The following FKBP5 variants were observed in gnomAD, a reference collection of about 807,000 sequenced individuals.
FKBP5 encodes FKBP prolyl isomerase 5.
FKBP5 carries 23 observed loss-of-function variants against 50.5 expected under a neutral mutation model. The ratio of observed to expected loss-of-function variants is 0.46; its 90% confidence interval spans 0.33 to 0.65. The LOEUF is 0.65. Among genes scored for constraint, FKBP5 ranks in the 30% least tolerant of loss-of-function variants. FKBP5 has a pLI of 0.02. For missense variants in FKBP5, 411 were observed against 553.1 expected (o/e 0.74, Z 2.58); for synonymous variants, 176 against 190.6 (o/e 0.92, Z 0.63).
At chr6:35,698,764 G>A (rs950499181) in intron 2 of FKBP5, among the ~76,000 whole-genome samples, 6 of 152,156 alleles carry the variant, frequency 3.9e-5, no homozygotes, top group Non-Finnish European at 8.8e-5. Context: ...AGGCAAAAGG[G>A]GATCGAGGCC....
rs759350645 is a variant in FKBP5 at position 35,619,169 on chromosome 6, A to G, written c.435T>C (p.Asp145=). ...GTTTGGTTCTCCGGATAATGCCTCC[A>G]TCTTCAAATAAATCCTCTCCTTTGA... ...LDFKGEDLFE[D]GGIIRRTKRK... The change falls in exon 5 of 11, where the codon GAT becomes GAC. Residue 145 remains aspartate (D), a synonymous_variant. Coordinates refer to ENST00000357266, the MANE Select transcript of FKBP5 (RefSeq NM_004117.4). 3.5e-5 allele frequency: 56 copies of G among 1,613,820 alleles called. No homozygotes were observed. The East Asian group carries it at 1.2e-3, about 34-fold the overall frequency.
At chr6:35,619,325 T>C (rs186687147) in intron 4 of FKBP5, 115 bp from the exon 5 acceptor site, 15 of 623,970 alleles carry the variant, frequency 2.4e-5, no homozygotes, top group Middle Eastern at 3.3e-4. Flanking sequence ...TTTTAAAATA[T>C]ATACATTCAT....
intron 4 of FKBP5, among the ~76,000 whole-genome samples, chr6:35,619,829 T>G (rs1223367104): frequency 6.6e-6 from 1 of 152,228 alleles, no homozygotes; most frequent in Non-Finnish European, 1.5e-5. Context: ...ATTTCCATCC[T>G]GTACTCTGGT....
rs1022379714 is a variant in FKBP5, at chr6:35,645,505, T to C, written c.-19-2662A>G. 6.6e-5 allele frequency among the ~76,000 whole-genome samples: 10 copies of C among 152,312 alleles called. No individual in the cohort carries two copies. The East Asian group carries it at 1.9e-3, about 29-fold the overall frequency. Reference sequence around the variant, plus strand: ...GTCTGTTCCAGATTAAAGGAGACTATAGAGATATGACAACCAAGTGTAATC... The same window carrying C: ...GTCTGTTCCAGATTAAAGGAGACTACAGAGATATGACAACCAAGTGTAATC... On this transcript the variant is annotated intron_variant, in intron 1 of 10. Coordinates refer to ENST00000357266, the MANE Select transcript of FKBP5 (RefSeq NM_004117.4).
At position 35,584,063 on chromosome 6, in the gene FKBP5, G is replaced by A. The variant is rs891702210; in HGVS notation, c.840+2971C>T. ...TTCTTGCCACTCTGCTGCCAAGTCA[G>A]AAAAAAGAAAAACACTGACCAGGTG... On this transcript the variant is annotated intron_variant, in intron 8 of 10. Transcript: ENST00000357266. 8 of 985,226 alleles carry A rather than the reference G, an allele frequency of 8.1e-6. No homozygotes were observed. The African/African-American group carries it at 1.4e-4, about 17-fold the overall frequency. The allele number at this position is 985,226 out of a possible 1,614,324, so 61.0% of individuals were successfully genotyped here.
chr6:35,613,572 GA>G (rs1372325161), intron 5 of FKBP5, among the ~76,000 whole-genome samples: 1 of 152,156 alleles, frequency 6.6e-6, no homozygotes, highest in African/African-American at 2.4e-5. Context: ...ATGCTATAAA[GA>G]AAAGGCAAAC....
intron 6 of FKBP5, among the ~76,000 whole-genome samples, chr6:35,596,270 G>A (rs1367569761): frequency 1.3e-5 from 2 of 152,006 alleles, no homozygotes; most frequent in Non-Finnish European, 2.9e-5. Flanking sequence ...CAGGAAAATT[G>A]CTTGAACCCA....
chr6:35,665,192 T>C (rs1765179654), intron 1 of FKBP5, among the ~76,000 whole-genome samples: 1 of 152,120 alleles, frequency 6.6e-6, no homozygotes, highest in African/African-American at 2.4e-5. Context: ...TACTCTCTAA[T>C]TCATGGACCT....
At chr6:35,644,966 T>C (rs1021221008) in intron 1 of FKBP5, among the ~76,000 whole-genome samples, 5 of 152,136 alleles carry the variant, frequency 3.3e-5, no homozygotes, top group African/African-American at 1.2e-4. Context: ...TGAGAGGTTA[T>C]TGGGAAAGTA....
At chr6:35,596,728 A>G (rs1203945339) in intron 6 of FKBP5, among the ~76,000 whole-genome samples, 1 of 152,198 alleles carries the variant, frequency 6.6e-6, no homozygotes, top group Non-Finnish European at 1.5e-5. Flanking sequence ...GTGCTAATGG[A>G]TATCCTTATG....
At chr6:35,690,971 A>C (rs1314004353), upstream of FKBP5, among the ~76,000 whole-genome samples, 3 of 152,110 alleles carry the variant, frequency 2.0e-5, no homozygotes, top group African/African-American at 7.2e-5. Context: ...GCACCATTGC[A>C]CTCCAGCCTG....
At chr6:35,628,918 T>C (rs964295196) in intron 3 of FKBP5, among the ~76,000 whole-genome samples, 2 of 152,198 alleles carry the variant, frequency 1.3e-5, no homozygotes, top group African/African-American at 4.8e-5. Context: ...GGTTTCACTA[T>C]GTTGGCCAGG....
At chr6:35,657,122 G>A (rs1764977812) in intron 1 of FKBP5, among the ~76,000 whole-genome samples, 1 of 151,666 alleles carries the variant, frequency 6.6e-6, no homozygotes, top group South Asian at 2.1e-4. Context: ...GGCTGAGGCA[G>A]AAGAATGGCG....
chr6:35,646,346 G>A (rs1475670123), intron 1 of FKBP5, among the ~76,000 whole-genome samples: 2 of 152,102 alleles, frequency 1.3e-5, no homozygotes, highest in East Asian at 3.9e-4. Flanking sequence ...CAGTAGTACT[G>A]AGTCCATATG....
At chr6:35,643,806 TTGTC>T in intron 1 of FKBP5, among the ~76,000 whole-genome samples, 1 of 152,354 alleles carries the variant, frequency 6.6e-6, no homozygotes, top group Admixed American at 6.5e-5. Context: ...TCTCGATTTG[TTGTC>T]TGTAAGAGAT....
chr6:35,579,903 C>T, intron 9 of FKBP5, 133 bp downstream of exon 9: 1 of 641,502 alleles, frequency 1.6e-6, no homozygotes. Flanking sequence ...AACAAATAAT[C>T]CCAAACATTC....
chr6:35,602,315 T>G (rs1185942388), intron 5 of FKBP5, among the ~76,000 whole-genome samples: 8 of 152,144 alleles, frequency 5.3e-5, no homozygotes, highest in Non-Finnish European at 1.2e-4. Flanking sequence ...CCTAAAGACA[T>G]TAGCTCTGGT....
intron 8 of FKBP5, chr6:35,581,962 G>GC (rs1399732466): frequency 2.0e-6 from 2 of 985,322 alleles, no homozygotes; most frequent in Non-Finnish European, 2.4e-6. Flanking sequence ...AAACCATAGA[G>GC]CAGGTCTAAG....
intron 1 of FKBP5, among the ~76,000 whole-genome samples, chr6:35,653,938 TA>T (rs530341271): frequency 1.0e-3 from 157 of 151,940 alleles, no homozygotes; most frequent in East Asian, 3.1e-3. Flanking sequence ...TTTATTGACT[TA>T]AAAAAAATAA....
Sources: gnomAD v4.1 joint callset for allele counts (sites outside exome capture counted in the v4.1 genomes callset) on GRCh38, gnomAD v4.1.1 for gene constraint, MANE v1.5 for transcripts, NCBI Gene and HGNC (gene_info 2026-07-23, HGNC 2026-07-21) for gene names.